Variants in NR3C2 observed in about 807,000 individuals in gnomAD.
NR3C2 encodes the protein nuclear receptor subfamily 3 group C member 2, also known as mineralocorticoid receptor.
Under a neutral mutation model 86.4 loss-of-function variants are expected in NR3C2, and 15 were observed. The ratio of observed to expected loss-of-function variants is 0.17; its 90% CI spans 0.12 to 0.27. The LOEUF is 0.27. NR3C2 is among the 10% of genes least tolerant of loss of function. The pLI, the probability that NR3C2 is intolerant of heterozygous loss-of-function variation, is 1.00. For missense variants in NR3C2, 960 were observed against 1,195.6 expected, an observed-to-expected ratio of 0.80 and a Z score of 2.91; for synonymous variants, 458 against 450.5, an observed-to-expected ratio of 1.02 and a Z score of -0.21.
At chr4:148,396,475 G>A (rs1287572491) in intron 2 of NR3C2, among the ~76,000 whole-genome samples, 1 of 152,116 alleles carries the variant, frequency 6.6e-6, no homozygotes, top group Non-Finnish European at 1.5e-5. Flanking sequence ...ACTTTAGAAA[G>A]GTAACTGAAG....
At chr4:148,394,747 AG>A (rs1165706907) in intron 2 of NR3C2, among the ~76,000 whole-genome samples, 6 of 152,186 alleles carry the variant, frequency 3.9e-5, no homozygotes, top group Non-Finnish European at 5.9e-5. Context: ...ACACAGAAGC[AG>A]GAAAAATTAT....
chr4:148,198,510 G>T (rs536253330), intron 3 of NR3C2, among the ~76,000 whole-genome samples: 18 of 152,174 alleles, frequency 1.2e-4, no homozygotes, highest in African/African-American at 4.3e-4. Flanking sequence ...CGCAACCAGG[G>T]TCCATCTGGG....
chr4:148,247,279 A>T (rs2149855903), intron 3 of NR3C2, among the ~76,000 whole-genome samples: 1 of 152,270 alleles, frequency 6.6e-6, no homozygotes, highest in East Asian at 1.9e-4. Context: ...ATAGAGGTTA[A>T]TTTTTCCTAC....
At chr4:148,442,894 C>G, upstream of NR3C2, 1 of 985,372 alleles carries the variant, frequency 1.0e-6, no homozygotes, top group Non-Finnish European at 1.2e-6. Flanking sequence ...AGTGTGCTGA[C>G]GCGGAAGAAG....
chr4:148,086,206 G>A lies in NR3C2; in HGVS notation c.2800-4707C>T, dbSNP rs143975530. Reference sequence around the variant, plus strand: ...AAAATTTCAGGCCAATTTCCCTGATGACCATTGATGCAAAAATCCTCAATA... The same window carrying A: ...AAAATTTCAGGCCAATTTCCCTGATAACCATTGATGCAAAAATCCTCAATA... On this transcript the variant is annotated intron_variant, in intron 8 of 8. Transcript: ENST00000358102. Among the ~76,000 whole-genome samples, 152 of 152,302 alleles carry A rather than the reference G, an allele frequency of 1.0e-3. No homozygotes were observed. The Middle Eastern group carries it at 0.01, about 10-fold the overall frequency.
intron 2 of NR3C2, among the ~76,000 whole-genome samples, chr4:148,268,926 G>T (rs1208602936): frequency 6.6e-6 from 1 of 151,676 alleles, no homozygotes; most frequent in Non-Finnish European, 1.5e-5. Flanking sequence ...GACAATGAAT[G>T]AATAAAGGCC....
rs146971225 is a variant in NR3C2 at position 148,324,212 on chromosome 4, C to G, written c.1758-64095G>C. ...TTTAGATTCCATATATAAATAAGGTCGCACGGTATTTGTCTTTCTGTGTCT... is the reference window on the plus strand; with the variant it reads ...TTTAGATTCCATATATAAATAAGGTGGCACGGTATTTGTCTTTCTGTGTCT... On this transcript the variant is annotated intron_variant, in intron 2 of 8. Coordinates refer to ENST00000358102, the MANE Select transcript of NR3C2 (RefSeq NM_000901.5). Among the ~76,000 whole-genome samples, 236 of 152,268 alleles carry G rather than the reference C, an allele frequency of 1.5e-3. 1 individual carries two copies. The highest frequency in any genetic ancestry group is 5.3e-3 in the African/African-American group (222 of 41,542).
At position 148,435,407 on chromosome 4, in the gene NR3C2, TCA is replaced by T. The variant is rs764162836; in HGVS notation, c.1452_1453del (p.Cys484Ter). 1 of 1,614,048 alleles carries T rather than the reference TCA, an allele frequency of 6.2e-7. No homozygotes were observed. On this transcript the variant is annotated stop_gained and frameshift_variant, in exon 2 of 9. Coordinates refer to ENST00000358102, the MANE Select transcript of NR3C2 (RefSeq NM_000901.5). ...AATACCCACTGGGAATCCGCTGCCT[TCA>T]CAGTTACCATCAAAGCCGGGCACAG...
At chr4:148,100,117 G>T (rs1731469143) in intron 8 of NR3C2, among the ~76,000 whole-genome samples, 1 of 152,144 alleles carries the variant, frequency 6.6e-6, no homozygotes, top group African/African-American at 2.4e-5. Context: ...ACGAGGAGCT[G>T]GTGATCATAA....
chr4:148,160,273 A>G (rs1020046931), intron 4 of NR3C2, among the ~76,000 whole-genome samples: 1 of 152,166 alleles, frequency 6.6e-6, no homozygotes, highest in Non-Finnish European at 1.5e-5. Context: ...CCAACCTGCA[A>G]AAGAGCAGGC....
intron 8 of NR3C2, among the ~76,000 whole-genome samples, chr4:148,101,831 T>C (rs372748429): frequency 6.6e-6 from 1 of 152,158 alleles, no homozygotes; most frequent in Admixed American, 6.5e-5. Flanking sequence ...CATTCTCTTC[T>C]ATTTATTAAG....
At chr4:148,324,497 G>C (rs1471372192) in intron 2 of NR3C2, among the ~76,000 whole-genome samples, 3 of 152,138 alleles carry the variant, frequency 2.0e-5, no homozygotes, top group Admixed American at 6.5e-5. Flanking sequence ...GAGAGGCAGA[G>C]AGTAGAAGAG....
intron 6 of NR3C2, among the ~76,000 whole-genome samples, chr4:148,124,267 A>T (rs1476295790): frequency 6.8e-6 from 1 of 146,490 alleles, no homozygotes; most frequent in Non-Finnish European, 1.5e-5. Context: ...AACCAAACCA[A>T]AGTTCATGTC....
chr4:148,152,767 C>T (rs1169299742), intron 5 of NR3C2, among the ~76,000 whole-genome samples, 154 bp from the exon 6 acceptor site: 1 of 152,080 alleles, frequency 6.6e-6, no homozygotes, highest in Non-Finnish European at 1.5e-5. Flanking sequence ...TACAGAGTGC[C>T]CACCACTGGC....
intron 3 of NR3C2, among the ~76,000 whole-genome samples, chr4:148,196,749 T>C (rs1236404744): frequency 1.3e-5 from 2 of 152,038 alleles, no homozygotes; most frequent in Non-Finnish European, 2.9e-5. Context: ...TCTATCAAAG[T>C]GAAGAAATGA....
chr4:148,341,308 T>C (rs1744737202), intron 2 of NR3C2, among the ~76,000 whole-genome samples: 1 of 152,122 alleles, frequency 6.6e-6, no homozygotes, highest in Admixed American at 6.6e-5. Flanking sequence ...TTTGTAGCAA[T>C]ATGGATGGAA....
At chr4:148,109,580 A>G (rs1731959565) in intron 8 of NR3C2, among the ~76,000 whole-genome samples, 1 of 152,120 alleles carries the variant, frequency 6.6e-6, no homozygotes. Flanking sequence ...TGCTCCAGTC[A>G]CCTCTGTAAA....
intron 2 of NR3C2, among the ~76,000 whole-genome samples, chr4:148,316,475 T>C (rs1327629214): frequency 6.6e-6 from 1 of 152,146 alleles, no homozygotes; most frequent in East Asian, 1.9e-4. Context: ...CAACTTTCTA[T>C]AAGGCATTAA....
intron 2 of NR3C2, among the ~76,000 whole-genome samples, chr4:148,280,956 T>C (rs1267038403): frequency 6.6e-6 from 1 of 152,226 alleles, no homozygotes; most frequent in Non-Finnish European, 1.5e-5. Context: ...CAGTTAGAGC[T>C]TAGCTGAGAA....
Sources: gnomAD v4.1 joint callset for allele counts (sites outside exome capture counted in the v4.1 genomes callset) on GRCh38, gnomAD v4.1.1 for gene constraint, MANE v1.5 for transcripts, NCBI Gene and HGNC (gene_info 2026-07-23, HGNC 2026-07-21) for gene names.